FREM1: variants seen among roughly 807,000 people sequenced by gnomAD.
FREM1 encodes the protein FRAS1 related extracellular matrix 1, also known as FRAS1-related extracellular matrix protein 1.
A neutral mutation model predicts 210.1 loss-of-function variants in FREM1; 220 were observed. That is an observed-to-expected ratio of 1.05 (90% CI 0.94 to 1.17). The LOEUF is 1.17. FREM1 is among the 50% of genes most tolerant of loss of function. FREM1 has a pLI of 0.00. For missense variants in FREM1, 3,454 were observed against 2,675.5 expected (o/e 1.29, Z -6.42); for synonymous variants, 1,189 against 980.2 (o/e 1.21, Z -3.98).
intron 29 of FREM1, 112 bp downstream of exon 29, chr9:14,756,262 T>C (rs1478826894): frequency 7.9e-6 from 6 of 759,468 alleles, no homozygotes; most frequent in Non-Finnish European, 1.3e-5. Flanking sequence ...CTGAGGAGTT[T>C]CTAGTTGGCT....
chr9:14,799,785 C>T (rs969547828), intron 20 of FREM1, among the ~76,000 whole-genome samples: 3 of 151,918 alleles, frequency 2.0e-5, no homozygotes, highest in South Asian at 2.1e-4. Context: ...TATATAAATG[C>T]ATTTTTTTCT....
intron 34 of FREM1, 69 bp downstream of exon 34, chr9:14,746,854 T>TC: frequency 6.6e-7 from 1 of 1,523,158 alleles, no homozygotes; most frequent in South Asian, 1.3e-5. Context: ...ACCAGATGGT[T>TC]CCCCTCTATT....
intron 1 of FREM1, among the ~76,000 whole-genome samples, chr9:14,893,426 G>C (rs945864338): frequency 2.6e-5 from 4 of 152,162 alleles, no homozygotes; most frequent in Non-Finnish European, 5.9e-5. Context: ...TATGTCCTTG[G>C]GAGCTTGATC....
At chr9:14,803,010 C>T (rs1027951778) in intron 19 of FREM1, among the ~76,000 whole-genome samples, 2 of 146,946 alleles carry the variant, frequency 1.4e-5, no homozygotes, top group African/African-American at 5.1e-5. Flanking sequence ...TCCCTTCCTC[C>T]CTCCCTTTCT....
In FREM1 at chr9:14,813,058, G is replaced by C; in HGVS notation, c.2647C>G (p.Pro883Ala). 2 of 1,604,984 alleles carry C rather than the reference G, an allele frequency of 1.2e-6. No individual in the cohort carries two copies. Among genetic ancestry groups the C allele is most frequent in the Non-Finnish European group, 1.7e-6 (2 of 1,173,816 alleles). The change falls in exon 16 of 37, where the codon CCT becomes GCT. Residue 883 changes from proline (P) to alanine (A), a missense_variant. Physicochemically the swap from Pro to Ala is conservative, Grantham distance 27. Coordinates refer to ENST00000380880, the MANE Select transcript of FREM1 (RefSeq NM_001379081.2). ...AAGACTGGTGGCTCATCGTTGACAG[G>C]GAATACCTAGGCAATGGAAAAAATG... The part of the protein sequence containing the change: ...AEFVLHVEVF[P>A]VNDEPPVLKA...
chr9:14,848,341 T>C (rs569665630), intron 7 of FREM1, among the ~76,000 whole-genome samples: 1 of 152,296 alleles, frequency 6.6e-6, no homozygotes, highest in South Asian at 2.1e-4. Flanking sequence ...ACAATTTGAG[T>C]TGGAGATTTC....
At chr9:14,800,042 G>A (rs974426058) in intron 20 of FREM1, among the ~76,000 whole-genome samples, 1 of 147,964 alleles carries the variant, frequency 6.8e-6, no homozygotes, top group African/African-American at 2.5e-5. Flanking sequence ...GTGAGAACAT[G>A]CAGTGTTTGG....
At chr9:14,894,843 T>G (rs1184416267) in intron 1 of FREM1, among the ~76,000 whole-genome samples, 2 of 152,236 alleles carry the variant, frequency 1.3e-5, no homozygotes, top group Non-Finnish European at 2.9e-5. Context: ...TAAGAATCTG[T>G]TTTCTTTTGT....
chr9:14,850,937 T>A (rs1564074477), intron 6 of FREM1, among the ~76,000 whole-genome samples: 1 of 151,886 alleles, frequency 6.6e-6, no homozygotes, highest in Non-Finnish European at 1.5e-5. Context: ...AATTTAAGCA[T>A]TTTACCAAAA....
intron 25 of FREM1, among the ~76,000 whole-genome samples, chr9:14,771,700 T>C (rs1311926461): frequency 1.3e-5 from 2 of 152,178 alleles, no homozygotes; most frequent in South Asian, 4.1e-4. Flanking sequence ...ACCAACCTGA[T>C]ACTACTGTAA....
intron 27 of FREM1, among the ~76,000 whole-genome samples, chr9:14,761,602 C>A (rs539083326): frequency 1.6e-4 from 24 of 152,176 alleles, no homozygotes; most frequent in Admixed American, 4.6e-4. Context: ...TTGTGGTCAA[C>A]CGTGATCTGA....
intron 5 of FREM1, among the ~76,000 whole-genome samples, chr9:14,855,347 A>G (rs903401927): frequency 2.0e-5 from 3 of 152,148 alleles, no homozygotes; most frequent in Non-Finnish European, 4.4e-5. Flanking sequence ...TTTGGAAAAA[A>G]CTGTTCCTTG....
intron 10 of FREM1, among the ~76,000 whole-genome samples, chr9:14,827,108 C>G (rs1420530521): frequency 1.3e-5 from 2 of 152,054 alleles, no homozygotes; most frequent in Non-Finnish European, 2.9e-5. Context: ...CTAGAAAAAG[C>G]CTATATTGCT....
At chr9:14,773,054 T>C (rs994669716) in intron 25 of FREM1, among the ~76,000 whole-genome samples, 1 of 152,236 alleles carries the variant, frequency 6.6e-6, no homozygotes, top group Admixed American at 6.5e-5. Flanking sequence ...AAAGTAGATC[T>C]TCTGGCTTAG....
intron 23 of FREM1, among the ~76,000 whole-genome samples, chr9:14,788,303 C>A (rs1366706966): frequency 6.6e-6 from 1 of 152,088 alleles, no homozygotes. Flanking sequence ...AACTCTCCTC[C>A]ATCTTCCATT....
intron 36 of FREM1, among the ~76,000 whole-genome samples, chr9:14,739,565 ATATATT>A (rs1841132163): frequency 6.8e-6 from 1 of 147,406 alleles, no homozygotes. Flanking sequence ...CAAATATAAT[ATATATT>A]TATATTTATA....
chr9:14,878,432 A>G (rs949162823), intron 1 of FREM1, among the ~76,000 whole-genome samples: 4 of 151,980 alleles, frequency 2.6e-5, no homozygotes, highest in Admixed American at 6.6e-5. Context: ...TTCCCATCAA[A>G]TGTCACACTT....
chr9:14,794,704 T>C (rs1284785516), intron 21 of FREM1, among the ~76,000 whole-genome samples: 1 of 152,110 alleles, frequency 6.6e-6, no homozygotes. Flanking sequence ...GCATCTTTAA[T>C]AAAGTGGAGA....
chr9:14,827,640 G>A (rs1442319868), intron 10 of FREM1, among the ~76,000 whole-genome samples: 2 of 152,194 alleles, frequency 1.3e-5, no homozygotes, highest in South Asian at 2.1e-4. Context: ...AGAGAGATTA[G>A]TATGAATAGA....
Sources: allele counts gnomAD v4.1 joint callset (sites outside exome capture counted in the v4.1 genomes callset), GRCh38; gene constraint gnomAD v4.1.1; transcripts MANE v1.5; gene names NCBI Gene and HGNC (gene_info 2026-07-23, HGNC 2026-07-21).